Variants in TNPO3 observed in about 807,000 individuals in gnomAD.
TNPO3 encodes transportin-3.
In TNPO3, 65 loss-of-function variants were observed where a neutral mutation model predicts 122.8. The ratio of observed to expected loss-of-function variants is 0.53; its 90% CI spans 0.43 to 0.65. The LOEUF (loss-of-function observed/expected upper bound fraction) is 0.65, where lower values mean the gene tolerates loss of function less well. Ranked by LOEUF, TNPO3 falls within the 30% of genes least tolerant of loss-of-function variation. The pLI is 0.00. For synonymous variants in TNPO3, 372 were observed against 411.2 expected, an observed-to-expected ratio of 0.90 and a Z score of 1.15; for missense variants, 850 against 1,136.7, an observed-to-expected ratio of 0.75 and a Z score of 3.63.
At position 128,990,796 on chromosome 7, in the gene TNPO3, T is replaced by C. The variant is rs549128113; in HGVS notation, c.1359-696A>G. On this transcript the variant is annotated intron_variant, in intron 10 of 22. Coordinates refer to ENST00000265388, the MANE Select transcript of TNPO3 (RefSeq NM_012470.4). ...CAAAATATACTGGCTAACGGCCTTTTGAGTAGAGTGGAGGATACCCCTAAA... is the reference window on the plus strand; with the variant it reads ...CAAAATATACTGGCTAACGGCCTTTCGAGTAGAGTGGAGGATACCCCTAAA... 2.6e-5 allele frequency among the ~76,000 whole-genome samples: 4 copies of C among 152,328 alleles called. No homozygotes were observed. In the East Asian group the frequency reaches 7.7e-4, roughly 29 times the overall value.
In TNPO3 at chr7:128,982,274, G is replaced by T. The variant is rs1194178900; in HGVS notation, c.1833C>A (p.Phe611Leu). The T allele has an allele frequency of 1.9e-6, 3 of 1,613,320 alleles. No homozygotes were observed. The highest frequency in any genetic ancestry group is 1.7e-5 in the Admixed American group (1 of 59,998). Residue 611 changes from phenylalanine to leucine, a missense_variant, in exon 14 of 23, where the codon TTC (phenylalanine) becomes TTA (leucine). By Grantham distance (22) the Phe-to-Leu change is conservative (BLOSUM62 0). Coordinates refer to ENST00000265388, the MANE Select transcript of TNPO3 (RefSeq NM_012470.4). ...TAAATATCACTGCAAGGCGATCTAAGAACACTGTGGGATCTGAGGATATGC... is the reference window on the plus strand; with the variant it reads ...TAAATATCACTGCAAGGCGATCTAATAACACTGTGGGATCTGAGGATATGC... ...SNGISSDPTV[F>L]LDRLAVIFRH...
chr7:129,050,706 T>C (rs1310268599), intron 1 of TNPO3, among the ~76,000 whole-genome samples: 1 of 152,202 alleles, frequency 6.6e-6, no homozygotes, highest in African/African-American at 2.4e-5. Context: ...TCCCCTGGCT[T>C]CATTCCCTGA....
chr7:128,955,218 C>T lies in TNPO3; in HGVS notation c.*199G>A. The T allele has an allele frequency of 2.4e-6, 1 of 408,908 alleles. No individual in the cohort carries two copies. Among genetic ancestry groups the T allele is most frequent in the Non-Finnish European group, 4.8e-6 (1 of 209,554 alleles). The allele number at this position is 408,908 out of a possible 1,614,324, so 25.3% of individuals were successfully genotyped here. A position where few individuals can be genotyped will look rare whatever the true frequency, so the allele number is the denominator to read the frequency against. On this transcript the variant is annotated 3_prime_UTR_variant, in exon 23 of 23. Transcript: ENST00000265388. ...AAATCCGCGCTGATTTTCCCTCACA[C>T]CCCCAAACAGGAACTCCTCAGGATG...
intron 1 of TNPO3, among the ~76,000 whole-genome samples, chr7:129,026,394 A>ATTTTTTTT (rs969403916): frequency 4.2e-5 from 4 of 94,710 alleles, no homozygotes; most frequent in African/African-American, 8.9e-5. Flanking sequence ...TGACGTTTGA[A>ATTTTTTTT]TTTTTTTTTT....
chr7:128,959,557 C>G (rs1797232961), intron 21 of TNPO3, among the ~76,000 whole-genome samples: 1 of 152,100 alleles, frequency 6.6e-6, no homozygotes, highest in African/African-American at 2.4e-5. Flanking sequence ...AGTATTGAAA[C>G]TGAAATGCAA....
At chr7:129,006,568 T>TA (rs1003217608) in intron 4 of TNPO3, among the ~76,000 whole-genome samples, 1 of 152,156 alleles carries the variant, frequency 6.6e-6, no homozygotes, top group African/African-American at 2.4e-5. Context: ...AAGAATGTTT[T>TA]AAAAAAAGCT....
chr7:129,001,518 G>A (rs1801948301), intron 5 of TNPO3, among the ~76,000 whole-genome samples: 1 of 152,160 alleles, frequency 6.6e-6, no homozygotes, highest in Non-Finnish European at 1.5e-5. Context: ...TTATATAAGG[G>A]ACTTGGGCAT....
At chr7:129,021,962 T>A (rs1019965905) in intron 1 of TNPO3, among the ~76,000 whole-genome samples, 2 of 151,824 alleles carry the variant, frequency 1.3e-5, no homozygotes, top group African/African-American at 4.8e-5. Context: ...AACAAAAAAA[T>A]TTTAAAACAT....
At chr7:129,037,366 T>A (rs549922091) in intron 1 of TNPO3, among the ~76,000 whole-genome samples, 2 of 152,046 alleles carry the variant, frequency 1.3e-5, no homozygotes, top group South Asian at 4.2e-4. Context: ...ACAAGGAAAA[T>A]GAAGGCAAGC....
rs1306764328 is a variant in TNPO3, at chr7:128,975,816, T to C, written c.2178+3A>G. 6 of 1,600,242 alleles carry C rather than the reference T, an allele frequency of 3.7e-6. No homozygotes were observed. The South Asian group carries it at 5.5e-5, about 15-fold the overall frequency. On this transcript the variant is annotated splice_donor_region_variant and intron_variant, in intron 17 of 22. Transcript: ENST00000265388. ...GCGTCTACACTCCTCATGGAAAAGATACCTGGAGCATGTCTAGCAGTCCCT... is the reference window on the plus strand; with the variant it reads ...GCGTCTACACTCCTCATGGAAAAGACACCTGGAGCATGTCTAGCAGTCCCT...
intron 19 of TNPO3, among the ~76,000 whole-genome samples, chr7:128,971,392 C>T (rs1245374942): frequency 6.6e-5 from 10 of 152,172 alleles, no homozygotes; most frequent in Non-Finnish European, 1.3e-4. Flanking sequence ...GTGATCTGCA[C>T]GCCTTGGCCT....
intron 1 of TNPO3, among the ~76,000 whole-genome samples, chr7:129,048,245 T>A (rs917308116): frequency 6.6e-6 from 1 of 151,512 alleles, no homozygotes; most frequent in African/African-American, 2.4e-5. Context: ...ACTAAATAAA[T>A]AGACCAGGTG....
intron 16 of TNPO3, among the ~76,000 whole-genome samples, chr7:128,977,831 C>T (rs3778748): frequency 0.49 from 74,184 of 151,792 alleles, 18,332 homozygotes; most frequent in African/African-American, 0.51. Context: ...CTCCTGACCT[C>T]GTGATCCACC....
At chr7:128,997,645 G>A in intron 7 of TNPO3, 110 bp from the exon 8 acceptor site, 2 of 954,402 alleles carry the variant, frequency 2.1e-6, no homozygotes, top group East Asian at 2.7e-5. Context: ...TAAATAATAT[G>A]AGTGGAGCCA....
intron 4 of TNPO3, among the ~76,000 whole-genome samples, chr7:129,013,881 A>G (rs1222455606): frequency 1.3e-5 from 2 of 152,162 alleles, no homozygotes; most frequent in African/African-American, 2.4e-5. Flanking sequence ...AAAGACAAAT[A>G]TCACATGCTT....
chr7:129,009,864 AAAC>A (rs1802991170), intron 4 of TNPO3, among the ~76,000 whole-genome samples: 2 of 152,190 alleles, frequency 1.3e-5, no homozygotes, highest in South Asian at 2.1e-4. Flanking sequence ...GCTGAATTAC[AAAC>A]AACAGGTGAA....
At position 129,027,183 on chromosome 7, in the gene TNPO3, A is replaced by C. The variant is rs1460067775; in HGVS notation, c.121-9026T>G. 2.0e-5 allele frequency among the ~76,000 whole-genome samples: 3 copies of C among 152,154 alleles called. 1 individual carries two copies. The highest frequency in any genetic ancestry group is 2.0e-4 in the Admixed American group (3 of 15,268). ...CATATGCTCCCTAAACAATAAAGCT[A>C]TCTCTCTCATGACATTTATCGGGTG... On this transcript the variant is annotated intron_variant, in intron 1 of 22. Transcript: ENST00000265388.
At chr7:129,037,471 G>A (rs1486652156) in intron 1 of TNPO3, among the ~76,000 whole-genome samples, 1 of 152,088 alleles carries the variant, frequency 6.6e-6, no homozygotes, top group Non-Finnish European at 1.5e-5. Flanking sequence ...AATTGAGAAA[G>A]GCTGCATGTG....
At chr7:128,972,828 T>TGA (rs1798626244) in intron 18 of TNPO3, among the ~76,000 whole-genome samples, 1 of 151,886 alleles carries the variant, frequency 6.6e-6, no homozygotes, top group South Asian at 2.1e-4. Context: ...ACACCAAGAG[T>TGA]GAAGCCTAAT....
Sources: gnomAD v4.1 joint callset for allele counts (sites outside exome capture counted in the v4.1 genomes callset) on GRCh38, gnomAD v4.1.1 for gene constraint, MANE v1.5 for transcripts, NCBI Gene and HGNC (gene_info 2026-07-23, HGNC 2026-07-21) for gene names.